MAGI2: variants seen among roughly 807,000 people sequenced by gnomAD.
MAGI2 encodes the protein membrane-associated guanylate kinase, WW and PDZ domain-containing protein 2.
Under a neutral mutation model 133.3 loss-of-function variants are expected in MAGI2, and 35 were observed. That is an observed-to-expected ratio of 0.26 (90% CI 0.20 to 0.35). MAGI2 has a LOEUF of 0.35. Among genes scored for constraint, MAGI2 ranks in the 10% least tolerant of loss-of-function variants. The pLI, the probability that MAGI2 is intolerant of heterozygous loss-of-function variation, is 1.00. For synonymous variants in MAGI2, 729 were observed against 710.6 expected (o/e 1.03, Z -0.41); for missense variants, 1,636 against 1,863.4 (o/e 0.88, Z 2.25).
intron 1 of MAGI2, among the ~76,000 whole-genome samples, chr7:79,103,136 T>C (rs1303617593): frequency 2.0e-5 from 3 of 152,256 alleles, no homozygotes; most frequent in Non-Finnish European, 4.4e-5. Flanking sequence ...TCTGTTTCTT[T>C]TGTTGAATCC....
intron 9 of MAGI2, among the ~76,000 whole-genome samples, chr7:78,339,105 T>C (rs960705908): frequency 2.6e-5 from 4 of 152,266 alleles, no homozygotes; most frequent in Non-Finnish European, 5.9e-5. Context: ...ATTACGTGTT[T>C]ATGGGCCTGT....
intron 20 of MAGI2, among the ~76,000 whole-genome samples, chr7:78,121,000 C>CAAAA (rs67572219): frequency 0.031 from 2,319 of 74,638 alleles, 140 homozygotes; most frequent in East Asian, 0.058. Flanking sequence ...GACTCCGTCT[C>CAAAA]AAAAAAAAAA....
intron 3 of MAGI2, among the ~76,000 whole-genome samples, chr7:78,552,835 C>T (rs1297042096): frequency 6.6e-6 from 1 of 152,034 alleles, no homozygotes; most frequent in Non-Finnish European, 1.5e-5. Context: ...CAAATACAAA[C>T]AACAAATCCA....
chr7:78,434,455 G>A (rs1283434042), intron 6 of MAGI2, among the ~76,000 whole-genome samples: 1 of 152,176 alleles, frequency 6.6e-6, no homozygotes, highest in African/African-American at 2.4e-5. Context: ...AAACAGGGTA[G>A]GGGTTCACTG....
At chr7:78,325,770 G>A (rs1788519148) in intron 9 of MAGI2, among the ~76,000 whole-genome samples, 1 of 152,182 alleles carries the variant, frequency 6.6e-6, no homozygotes, top group African/African-American at 2.4e-5. Flanking sequence ...GGAAGCCACA[G>A]GGCAAGGGAG....
chr7:78,751,093 G>C (rs1444010482), intron 2 of MAGI2, among the ~76,000 whole-genome samples: 1 of 152,122 alleles, frequency 6.6e-6, no homozygotes, highest in Non-Finnish European at 1.5e-5. Context: ...TAGAGGTCTT[G>C]ATTCCCATAA....
chr7:78,128,182 T>C (rs1045564873), intron 18 of MAGI2, among the ~76,000 whole-genome samples: 1 of 152,236 alleles, frequency 6.6e-6, no homozygotes, highest in Non-Finnish European at 1.5e-5. Flanking sequence ...TAGTTACTAA[T>C]GAAATAAACA....
intron 10 of MAGI2, among the ~76,000 whole-genome samples, chr7:78,227,883 T>TGTGTGTGTGTGTGTGTGTG (rs1563292086): frequency 1.9e-4 from 28 of 149,194 alleles, no homozygotes; most frequent in South Asian, 4.2e-4. Flanking sequence ...TGTGTGTGTG[T>TGTGTGTGTGTGTGTGTGTG]TTTAAACCCT....
intron 1 of MAGI2, among the ~76,000 whole-genome samples, chr7:79,190,792 T>C (rs1290006740): frequency 6.6e-6 from 1 of 151,856 alleles, no homozygotes; most frequent in Non-Finnish European, 1.5e-5. Context: ...CATGCTATAT[T>C]TTAGTATACA....
chr7:79,127,876 T>C (rs1820571364), intron 1 of MAGI2, among the ~76,000 whole-genome samples: 1 of 152,240 alleles, frequency 6.6e-6, no homozygotes, highest in African/African-American at 2.4e-5. Flanking sequence ...TCCTTGCCCA[T>C]GCCTATGTCC....
intron 6 of MAGI2, among the ~76,000 whole-genome samples, chr7:78,428,493 T>C (rs1799494458): frequency 6.6e-6 from 1 of 152,210 alleles, no homozygotes; most frequent in Non-Finnish European, 1.5e-5. Flanking sequence ...TAAAAATATT[T>C]AAAAATTGAC....
intron 1 of MAGI2, among the ~76,000 whole-genome samples, chr7:79,368,143 A>G (rs1424169111): frequency 6.6e-6 from 1 of 152,036 alleles, no homozygotes; most frequent in Non-Finnish European, 1.5e-5. Context: ...AAAGTTTTCC[A>G]AATGAAGCCT....
intron 1 of MAGI2, among the ~76,000 whole-genome samples, chr7:79,292,575 G>A (rs1412609409): frequency 6.6e-6 from 1 of 151,610 alleles, no homozygotes; most frequent in Non-Finnish European, 1.5e-5. Flanking sequence ...AGAGGTTGCC[G>A]TGAGCTGAGA....
chr7:78,772,915 C>T (rs952242452), intron 2 of MAGI2, among the ~76,000 whole-genome samples: 9 of 152,198 alleles, frequency 5.9e-5, no homozygotes, highest in Non-Finnish European at 8.8e-5. Context: ...ATCTGCTGTT[C>T]TTTCACCTTT....
At chr7:79,421,004 G>A (rs1846916689) in intron 1 of MAGI2, among the ~76,000 whole-genome samples, 1 of 151,880 alleles carries the variant, frequency 6.6e-6, no homozygotes, top group African/African-American at 2.4e-5. Flanking sequence ...ATTTAATAAA[G>A]TCAAATATAA....
In MAGI2 at chr7:78,192,026, G is replaced by A. The variant is rs147082140; in HGVS notation, c.2269+2848C>T. Among the ~76,000 whole-genome samples, 72 of 152,302 alleles carry A rather than the reference G, an allele frequency of 4.7e-4. No homozygotes were observed. The East Asian group carries it at 0.01, about 22-fold the overall frequency. On this transcript the variant is annotated intron_variant, in intron 12 of 21. Coordinates refer to ENST00000354212, the MANE Select transcript of MAGI2 (RefSeq NM_012301.4). ...CGTTCTGTAGCTCTGTACAGCTCAG[G>A]CTTGTGGGTGGAGGGGCGTCTTTTT...
chr7:78,438,455 T>C (rs1230299310), intron 6 of MAGI2, among the ~76,000 whole-genome samples: 6 of 152,172 alleles, frequency 3.9e-5, no homozygotes. Flanking sequence ...TAAGTCACAA[T>C]GTCTGCAAGG....
chr7:78,602,250 C>T (rs1371382041), intron 3 of MAGI2, among the ~76,000 whole-genome samples: 1 of 152,078 alleles, frequency 6.6e-6, no homozygotes, highest in Non-Finnish European at 1.5e-5. Context: ...GCAGCTGCCT[C>T]CCGGGTTCAA....
chr7:78,636,412 A>C (rs760313504), intron 2 of MAGI2, among the ~76,000 whole-genome samples: 3 of 151,648 alleles, frequency 2.0e-5, no homozygotes, highest in Non-Finnish European at 4.4e-5. Context: ...AAAGGTTCAA[A>C]ATAGTGCCCC....
Sources: allele counts gnomAD v4.1 joint callset (sites outside exome capture counted in the v4.1 genomes callset), GRCh38; gene constraint gnomAD v4.1.1; transcripts MANE v1.5; gene names NCBI Gene and HGNC (gene_info 2026-07-23, HGNC 2026-07-21).